The following UNC45B variants were observed in gnomAD, a reference collection of about 807,000 sequenced individuals.
UNC45B encodes unc-45 myosin chaperone B, also known as protein unc-45 homolog B.
A neutral mutation model predicts 98.7 loss-of-function variants in UNC45B; 78 were observed. That is an observed-to-expected ratio of 0.79 (90% CI 0.66 to 0.95). UNC45B has a LOEUF of 0.95. UNC45B is among the 40% of genes least tolerant of loss of function. The pLI is 0.00. For synonymous variants in UNC45B, 462 were observed against 480.4 expected, an observed-to-expected ratio of 0.96 and a Z score of 0.50; for missense variants, 1,225 against 1,184.9, an observed-to-expected ratio of 1.03 and a Z score of -0.50.
At chr17:35,164,409 A>C in intron 9 of UNC45B, 1 of 359,444 alleles carries the variant, frequency 2.8e-6, no homozygotes, top group Admixed American at 4.7e-5. Flanking sequence ...TGCTTCCAAG[A>C]TGGTGGACTC....
At chr17:35,175,034 G>GGAAA (rs71147462) in intron 14 of UNC45B, among the ~76,000 whole-genome samples, 79,900 of 137,194 alleles carry the variant, frequency 0.58, 22,991 homozygotes, top group East Asian at 0.7. Flanking sequence ...AGGAGAGAGA[G>GGAAA]GAAAGAAGGA....
chr17:35,152,351 A>G (rs1012502626), intron 4 of UNC45B, among the ~76,000 whole-genome samples: 1 of 152,316 alleles, frequency 6.6e-6, no homozygotes, highest in African/African-American at 2.4e-5. Context: ...GGCGGAGTGA[A>G]GGATGATGAT....
At chr17:35,149,570 C>G (rs1282450575) in intron 3 of UNC45B, among the ~76,000 whole-genome samples, 1 of 152,214 alleles carries the variant, frequency 6.6e-6, no homozygotes, top group Non-Finnish European at 1.5e-5. Flanking sequence ...GCGTCTGCCA[C>G]CACGCCCAGC....
rs762316514 is a variant in UNC45B at position 35,186,504 on chromosome 17, C to T, written c.2735C>T (p.Ala912Val). Residue 912 changes from alanine (A) to valine (V), a missense_variant, in exon 20 of 20, where the codon GCC (alanine) becomes GTC (valine). By Grantham distance (64) the Ala-to-Val change is moderately conservative. Coordinates refer to ENST00000394570, the MANE Select transcript of UNC45B (RefSeq NM_001267052.2). Reference sequence around the variant, plus strand: ...AAGAAGGCAGAAGTGGTTCAGACAGCCCGAGAATGTCTCATCAAGTGCATG... The same window carrying T: ...AAGAAGGCAGAAGTGGTTCAGACAGTCCGAGAATGTCTCATCAAGTGCATG... ...DEKKAEVVQT[A>V]RECLIKCMDY... is the part of the protein sequence containing the mutation. 2.0e-5 allele frequency: 32 copies of T among 1,614,074 alleles called. 1 individual carries two copies. The South Asian group carries it at 3.5e-4, about 18-fold the overall frequency.
At position 35,150,147 on chromosome 17, in the gene UNC45B, G is replaced by T. The variant is rs150364160; in HGVS notation, c.305G>T (p.Arg102Leu). Residue 102 changes from arginine (R) to leucine (L), a missense_variant, in exon 4 of 20, where the codon CGT (arginine) becomes CTT (leucine). By Grantham distance (102) the Arg-to-Leu change is moderately radical. Transcript: ENST00000394570. ...GACCAGGCCTTCAAAGACGTGCAGC[G>T]TTGTGCCACCCTCGAGCCACGGAAC... ...KLDQAFKDVQ[R>L]CATLEPRNQN... The T allele has an allele frequency of 6.2e-7, 1 of 1,613,778 alleles. No individual in the cohort carries two copies. Among genetic ancestry groups the T allele is most frequent in the African/African-American group, 1.3e-5 (1 of 74,924 alleles).
intron 7 of UNC45B, among the ~76,000 whole-genome samples, chr17:35,156,932 T>C (rs549765509): frequency 1.3e-4 from 20 of 152,334 alleles, no homozygotes; most frequent in African/African-American, 4.1e-4. Context: ...ACTCCTTTGA[T>C]TTTAATAATT....
Position 35,172,848 on chromosome 17 carries a change from C to A in UNC45B, c.1830+1386C>A, listed in dbSNP as rs2092197715. On this transcript the variant is annotated intron_variant, in intron 13 of 19. Coordinates refer to ENST00000394570, the MANE Select transcript of UNC45B (RefSeq NM_001267052.2). ...TCTCCAAGAAAAACAATATACGCAT[C>A]ATTTAGTCTTTTGGATTATCCGTCT... is the stretch of plus-strand genomic sequence containing the variant. 2.0e-5 allele frequency among the ~76,000 whole-genome samples: 3 copies of A among 152,170 alleles called. No individual in the cohort carries two copies. The South Asian group carries it at 6.2e-4, about 32-fold the overall frequency.
intron 4 of UNC45B, among the ~76,000 whole-genome samples, chr17:35,150,879 G>T (rs917059966): frequency 3.3e-5 from 5 of 151,472 alleles, no homozygotes; most frequent in East Asian, 1.9e-4. Flanking sequence ...TGAAGACATC[G>T]ATGAGGGATA....
In UNC45B at chr17:35,152,988, T is replaced by C. The variant is rs759038372; in HGVS notation, c.471+6T>C. 8.1e-6 allele frequency: 13 copies of C among 1,602,340 alleles called. No individual in the cohort carries two copies. Among genetic ancestry groups the C allele is most frequent in the Admixed American group, 1.7e-5 (1 of 59,424 alleles). ...AGGCTGATAAGCGGGAAAAGGTGAG[T>C]GCTGGCCAGTGCCATCCAGCCAGCA... On this transcript the variant is annotated splice_donor_region_variant and intron_variant, in intron 5 of 19. Coordinates refer to ENST00000394570, the MANE Select transcript of UNC45B (RefSeq NM_001267052.2).
chr17:35,148,841 A>G, intron 2 of UNC45B, 132 bp from the exon 3 acceptor site: 1 of 1,052,384 alleles, frequency 9.5e-7, no homozygotes, highest in Non-Finnish European at 1.4e-6. Context: ...GCCTGTGAGG[A>G]GCATGCCCTG....
intron 10 of UNC45B, among the ~76,000 whole-genome samples, chr17:35,169,437 A>G (rs1193684400): frequency 6.6e-6 from 1 of 152,120 alleles, no homozygotes; most frequent in African/African-American, 2.4e-5. Context: ...TCTGGGTAAA[A>G]TTTTGCACAT....
At chr17:35,170,490 G>A (rs1228612102) in intron 12 of UNC45B, among the ~76,000 whole-genome samples, 3 of 150,646 alleles carry the variant, frequency 2.0e-5, no homozygotes, top group Non-Finnish European at 4.4e-5. Context: ...GTTTTCCTGG[G>A]GCCCTCAGGA....
Position 35,168,042 on chromosome 17 carries a change from C to A in UNC45B, c.1152-19C>A, listed in dbSNP as rs1475796505. The stretch of plus-strand genomic sequence containing the variant: ...TCTCTTGGACCAGTTCTCTTGACCA[C>A]CCTTGTCCTTTGTTTTAGGGGCAAG... On this transcript the variant is annotated intron_variant, in intron 9 of 19. Coordinates refer to ENST00000394570, the MANE Select transcript of UNC45B (RefSeq NM_001267052.2). The A allele has an allele frequency of 1.4e-6, 2 of 1,469,160 alleles. No homozygotes were observed. The highest frequency in any genetic ancestry group is 1.5e-5 in the South Asian group (1 of 66,336). The allele number at this position is 1,469,160 out of a possible 1,614,324, so 91.0% of individuals were successfully genotyped here.
intron 7 of UNC45B, among the ~76,000 whole-genome samples, chr17:35,155,887 G>C (rs2092057564): frequency 6.6e-6 from 1 of 152,106 alleles, no homozygotes; most frequent in Admixed American, 6.6e-5. Flanking sequence ...TGTATTTTCT[G>C]ATTATAAAAG....
At chr17:35,155,209 G>A (rs1052234127) in intron 6 of UNC45B, 87 bp from the exon 7 acceptor site, 8 of 1,500,306 alleles carry the variant, frequency 5.3e-6, no homozygotes, top group Non-Finnish European at 7.3e-6. Flanking sequence ...GGATAGGGTG[G>A]GGAGGATTAT....
chr17:35,181,519 G>A (rs2092273629), intron 18 of UNC45B, among the ~76,000 whole-genome samples: 1 of 152,206 alleles, frequency 6.6e-6, no homozygotes, highest in Non-Finnish European at 1.5e-5. Context: ...GGCCAGGTAT[G>A]GTGGCTCATG....
intron 10 of UNC45B, among the ~76,000 whole-genome samples, chr17:35,169,153 C>T (rs1041137315): frequency 1.3e-5 from 2 of 152,084 alleles, no homozygotes; most frequent in Non-Finnish European, 2.9e-5. Context: ...GATTCTCCTG[C>T]CTCAGCCTCC....
chr17:35,181,237 G>A (rs1188150006), intron 18 of UNC45B, among the ~76,000 whole-genome samples: 1 of 152,170 alleles, frequency 6.6e-6, no homozygotes, highest in Non-Finnish European at 1.5e-5. Flanking sequence ...AGGCTTCATG[G>A]TCCAGTCATG....
At chr17:35,174,947 GAAAGAAAAAGAA>G (rs147744789) in intron 14 of UNC45B, among the ~76,000 whole-genome samples, 69,141 of 143,300 alleles carry the variant, frequency 0.48, 16,336 homozygotes, top group African/African-American at 0.54. Context: ...GAAAAAGAAA[GAAAGAAAAAGAA>G]AGAGAAAGAA....
Sources: allele counts gnomAD v4.1 joint callset (sites outside exome capture counted in the v4.1 genomes callset), GRCh38; gene constraint gnomAD v4.1.1; transcripts MANE v1.5; gene names NCBI Gene and HGNC (gene_info 2026-07-23, HGNC 2026-07-21).